Variants in CEMIP2 observed in about 807,000 individuals in gnomAD.
The protein encoded by CEMIP2 is cell surface hyaluronidase CEMIP2.
Under a neutral mutation model 146.9 loss-of-function variants are expected in CEMIP2, and 79 were observed. That is an observed-to-expected ratio of 0.54 (90% CI 0.45 to 0.65). The LOEUF is 0.65. Ranked by LOEUF, CEMIP2 falls within the 30% of genes least tolerant of loss-of-function variation. The pLI, the probability that CEMIP2 is intolerant of heterozygous loss-of-function variation, is 0.00. For missense variants in CEMIP2, 1,596 were observed against 1,696.2 expected, an observed-to-expected ratio of 0.94 and a Z score of 1.04; for synonymous variants, 601 against 606.3, an observed-to-expected ratio of 0.99 and a Z score of 0.13.
chr9:71,753,397 C>T (rs1161433094), intron 1 of CEMIP2, among the ~76,000 whole-genome samples: 1 of 152,032 alleles, frequency 6.6e-6, no homozygotes, highest in Non-Finnish European at 1.5e-5. Context: ...TCTTCATGGT[C>T]AAAAAATGGA....
rs753997230 is a variant in CEMIP2 at position 71,704,572 on chromosome 9, A to T, written c.3194+23T>A. On this transcript the variant is annotated intron_variant, in intron 18 of 23. Transcript: ENST00000377044. Reference sequence around the variant, plus strand: ...AAATTACTACTTGCTCAACTATTTGAAATAACAGTAACAGAAACATACTTG... The same window carrying T: ...AAATTACTACTTGCTCAACTATTTGTAATAACAGTAACAGAAACATACTTG... The T allele has an allele frequency of 1.1e-5, 17 of 1,612,142 alleles. 1 individual carries two copies. In the South Asian group the frequency reaches 1.8e-4, roughly 17 times the overall value.
At chr9:71,700,406 T>A (rs1330745510) in intron 19 of CEMIP2, among the ~76,000 whole-genome samples, 1 of 152,194 alleles carries the variant, frequency 6.6e-6, no homozygotes, top group Non-Finnish European at 1.5e-5. Flanking sequence ...CGACAAGGGA[T>A]AATTTCTTTC....
At chr9:71,763,992 A>C (rs1160155706) in intron 1 of CEMIP2, among the ~76,000 whole-genome samples, 1 of 152,234 alleles carries the variant, frequency 6.6e-6, no homozygotes. Flanking sequence ...TACCAGGAAA[A>C]CAAAAGAACA....
chr9:71,732,760 G>A (rs779763125), intron 6 of CEMIP2, among the ~76,000 whole-genome samples: 34 of 122,864 alleles, frequency 2.8e-4, no homozygotes, highest in Non-Finnish European at 4.9e-4. Context: ...AGGCTGGAGT[G>A]CAGCGGCATG....
chr9:71,729,620 G>GAA (rs201829829), intron 10 of CEMIP2, among the ~76,000 whole-genome samples: 5 of 130,070 alleles, frequency 3.8e-5, no homozygotes, highest in East Asian at 2.2e-4. Flanking sequence ...TCTGTCTCGA[G>GAA]AAAAAAAAAA....
At chr9:71,689,288 T>C (rs1822158715) in intron 22 of CEMIP2, among the ~76,000 whole-genome samples, 1 of 152,168 alleles carries the variant, frequency 6.6e-6, no homozygotes, top group African/African-American at 2.4e-5. Flanking sequence ...TATTGGAAAA[T>C]GATTCTAAAG....
At chr9:71,749,827 A>G (rs1292585898) in intron 2 of CEMIP2, among the ~76,000 whole-genome samples, 1 of 152,222 alleles carries the variant, frequency 6.6e-6, no homozygotes. Context: ...GAGTGCTGCA[A>G]CAAAGTGGCA....
In CEMIP2 at chr9:71,717,969, T is replaced by A; in HGVS notation, c.2378A>T (p.Asp793Val). The change falls in exon 13 of 24, where the codon GAT becomes GTT. Residue 793 changes from aspartate to valine, a missense_variant. Physicochemically the swap from Asp to Val is radical, Grantham distance 152. Transcript: ENST00000377044. The stretch of plus-strand genomic sequence containing the variant: ...CCACGCTGAATTTTGAACGATAATA[T>A]CTCCTCCTCTGACCCAAGCTCCATT... Reference protein sequence around the residue: ...NDNGAWVRGGDIIVQNSAFAD... With the variant: ...NDNGAWVRGGVIIVQNSAFAD... The A allele has an allele frequency of 6.2e-7, 1 of 1,608,556 alleles. No individual in the cohort carries two copies. Among genetic ancestry groups the A allele is most frequent in the East Asian group, 2.2e-5 (1 of 44,694 alleles).
intron 12 of CEMIP2, among the ~76,000 whole-genome samples, chr9:71,721,312 T>G (rs1823224263): frequency 1.3e-5 from 2 of 152,206 alleles, no homozygotes; most frequent in African/African-American, 4.8e-5. Context: ...TAGTTCATAA[T>G]TTATTGTCAT....
At chr9:71,698,661 T>G (rs1822469488) in intron 19 of CEMIP2, among the ~76,000 whole-genome samples, 1 of 152,222 alleles carries the variant, frequency 6.6e-6, no homozygotes, top group Non-Finnish European at 1.5e-5. Flanking sequence ...CTTCTTTGGC[T>G]AAGGCCAAGA....
intron 6 of CEMIP2, among the ~76,000 whole-genome samples, chr9:71,734,208 G>GGTTTTTTTTTTTTTTTTT (rs374206725): frequency 1.4e-5 from 2 of 144,134 alleles, no homozygotes; most frequent in Non-Finnish European, 3.1e-5. Context: ...ATGAGTTTTT[G>GGTTTTTTTTTTTTTTTTT]TTTTTGTTTT....
At chr9:71,733,336 A>T (rs1823675371) in intron 6 of CEMIP2, among the ~76,000 whole-genome samples, 1 of 152,212 alleles carries the variant, frequency 6.6e-6, no homozygotes, top group Non-Finnish European at 1.5e-5. Flanking sequence ...ATACACATAA[A>T]TCTTGGGAGG....
At chr9:71,718,856 T>C (rs1371132134) in intron 12 of CEMIP2, among the ~76,000 whole-genome samples, 1 of 152,130 alleles carries the variant, frequency 6.6e-6, no homozygotes, top group Non-Finnish European at 1.5e-5. Context: ...AGATTATAAG[T>C]GTGAGCCACC....
intron 12 of CEMIP2, among the ~76,000 whole-genome samples, chr9:71,721,552 C>A (rs1823232417): frequency 6.6e-6 from 1 of 152,170 alleles, no homozygotes; most frequent in Non-Finnish European, 1.5e-5. Context: ...GACCTCATGT[C>A]TTATTAAAGT....
chr9:71,747,149 C>T (rs937451517), intron 2 of CEMIP2, among the ~76,000 whole-genome samples: 3 of 152,034 alleles, frequency 2.0e-5, no homozygotes, highest in South Asian at 2.1e-4. Context: ...TAAGGTCCGC[C>T]ATAATTTTGA....
rs80225793 is a variant in CEMIP2, at chr9:71,689,308, C to G, written c.3851+784G>C. 4.7e-3 allele frequency among the ~76,000 whole-genome samples: 719 copies of G among 152,256 alleles called. 4 individuals carry two copies. Among genetic ancestry groups the G allele is most frequent in the Non-Finnish European group, 7.2e-3 (487 of 68,020 alleles). On this transcript the variant is annotated intron_variant, in intron 22 of 23. Coordinates refer to ENST00000377044, the MANE Select transcript of CEMIP2 (RefSeq NM_013390.3). Reference sequence around the variant, plus strand: ...GAAAATGATTCTAAAGCTAGATAGGCCTTTAATTTGGGGAAAGCTTAAGTT... The same window carrying G: ...GAAAATGATTCTAAAGCTAGATAGGGCTTTAATTTGGGGAAAGCTTAAGTT...
At chr9:71,711,279 C>T (rs1332477895) in intron 16 of CEMIP2, among the ~76,000 whole-genome samples, 1 of 151,984 alleles carries the variant, frequency 6.6e-6, no homozygotes, top group African/African-American at 2.4e-5. Context: ...AACCCAATTT[C>T]AGCCAGATGC....
At chr9:71,691,395 G>T (rs1286660347) in intron 21 of CEMIP2, among the ~76,000 whole-genome samples, 1 of 141,266 alleles carries the variant, frequency 7.1e-6, no homozygotes, top group East Asian at 2.3e-4. Flanking sequence ...TCCAGCCTGG[G>T]TGACAGAGTG....
chr9:71,743,920 T>C (rs1823997935), intron 4 of CEMIP2, among the ~76,000 whole-genome samples: 1 of 152,050 alleles, frequency 6.6e-6, no homozygotes, highest in Non-Finnish European at 1.5e-5. Context: ...CATTACGGCA[T>C]GTCGGTTTTG....
Sources: allele counts gnomAD v4.1 joint callset (sites outside exome capture counted in the v4.1 genomes callset), GRCh38; gene constraint gnomAD v4.1.1; transcripts MANE v1.5; gene names NCBI Gene and HGNC (gene_info 2026-07-23, HGNC 2026-07-21).